The following AGBL4 variants were observed in gnomAD, a reference collection of about 807,000 sequenced individuals.
AGBL4 encodes AGBL carboxypeptidase 4.
In AGBL4, 58 loss-of-function variants were observed where a neutral mutation model predicts 66.4. The ratio of observed to expected loss-of-function variants is 0.87; its 90% CI spans 0.71 to 1.09. The LOEUF (loss-of-function observed/expected upper bound fraction) is 1.09, where lower values mean the gene tolerates loss of function less well. Ranked by LOEUF, AGBL4 falls within the 50% of genes least tolerant of loss-of-function variation. The probability of loss-of-function intolerance (pLI) is 0.00; values close to 1 mark genes in which losing one functional copy is unlikely to be tolerated. For missense variants in AGBL4, 579 were observed against 631.0 expected (o/e 0.92, Z 0.88); for synonymous variants, 234 against 222.9 (o/e 1.05, Z -0.44).
intron 9 of AGBL4, among the ~76,000 whole-genome samples, chr1:48,604,188 A>G (rs1645120138): frequency 6.6e-6 from 1 of 151,810 alleles, no homozygotes. Flanking sequence ...GCCTGGGAGG[A>G]TGTGAAGAAG....
chr1:50,011,144 G>T (rs1199885974), intron 1 of AGBL4, among the ~76,000 whole-genome samples: 1 of 152,046 alleles, frequency 6.6e-6, no homozygotes, highest in East Asian at 1.9e-4. Flanking sequence ...ATTTGTTAAA[G>T]AGATTAATAA....
At chr1:48,897,449 G>A (rs1263673342) in intron 5 of AGBL4, among the ~76,000 whole-genome samples, 1 of 152,176 alleles carries the variant, frequency 6.6e-6, no homozygotes. Flanking sequence ...TGGGAGTACA[G>A]ATATCTTTTT....
intron 6 of AGBL4, among the ~76,000 whole-genome samples, chr1:48,770,183 G>A (rs1280143580): frequency 6.6e-6 from 1 of 152,146 alleles, no homozygotes; most frequent in Non-Finnish European, 1.5e-5. Context: ...TTCCTCTGTG[G>A]TGCAAAACTG....
At chr1:49,217,904 A>G (rs1011539665) in intron 4 of AGBL4, among the ~76,000 whole-genome samples, 4 of 152,114 alleles carry the variant, frequency 2.6e-5, no homozygotes, top group Non-Finnish European at 4.4e-5. Flanking sequence ...CTCTAATCCA[A>G]TCTTCCTACC....
chr1:48,652,831 C>T (rs79196643), intron 8 of AGBL4, among the ~76,000 whole-genome samples: 4,140 of 152,182 alleles, frequency 0.027, 63 homozygotes, highest in South Asian at 0.051. Flanking sequence ...TGTGCCCACA[C>T]TGAAGAGAAA....
intron 2 of AGBL4, among the ~76,000 whole-genome samples, chr1:49,808,556 A>G (rs79378944): frequency 0.081 from 12,370 of 152,178 alleles, 706 homozygotes; most frequent in African/African-American, 0.17. Flanking sequence ...TAGTATATAC[A>G]TATACGTGTG....
chr1:49,476,077 C>G (rs1474046130), intron 3 of AGBL4, among the ~76,000 whole-genome samples: 2 of 152,028 alleles, frequency 1.3e-5, no homozygotes, highest in Non-Finnish European at 2.9e-5. Flanking sequence ...CCTCTTAACA[C>G]TGCTTTTGCT....
chr1:49,242,988 A>C (rs1164034951), intron 4 of AGBL4, among the ~76,000 whole-genome samples: 1 of 151,562 alleles, frequency 6.6e-6, no homozygotes, highest in Non-Finnish European at 1.5e-5. Flanking sequence ...TCATCTTGAA[A>C]AGGTGAAAAA....
At chr1:48,658,245 G>A (rs549441086) in intron 7 of AGBL4, among the ~76,000 whole-genome samples, 1 of 152,356 alleles carries the variant, frequency 6.6e-6, no homozygotes, top group South Asian at 2.1e-4. Context: ...AGAGCAAGGA[G>A]TCTATCTGCA....
chr1:48,599,569 G>T (rs188753261), intron 9 of AGBL4, among the ~76,000 whole-genome samples: 1 of 152,218 alleles, frequency 6.6e-6, no homozygotes. Context: ...AAGAGAGGTG[G>T]TGGTAGAGGT....
intron 3 of AGBL4, among the ~76,000 whole-genome samples, chr1:49,312,172 A>G (rs1644952715): frequency 6.6e-6 from 1 of 152,094 alleles, no homozygotes; most frequent in Non-Finnish European, 1.5e-5. Flanking sequence ...ACCTTTAGGA[A>G]GCAACTAGGC....
intron 4 of AGBL4, among the ~76,000 whole-genome samples, chr1:49,167,937 C>A (rs1171993836): frequency 6.6e-6 from 1 of 152,038 alleles, no homozygotes; most frequent in Non-Finnish European, 1.5e-5. Flanking sequence ...AATAACAATA[C>A]AACAATAATA....
intron 2 of AGBL4, among the ~76,000 whole-genome samples, chr1:49,726,818 A>G (rs956268049): frequency 2.0e-5 from 3 of 152,208 alleles, no homozygotes; most frequent in Non-Finnish European, 2.9e-5. Context: ...CTCCCACTGT[A>G]GAAAAGCTTA....
chr1:49,087,322 A>G (rs933742567), intron 4 of AGBL4, among the ~76,000 whole-genome samples: 3 of 152,244 alleles, frequency 2.0e-5, no homozygotes, highest in Non-Finnish European at 4.4e-5. Context: ...TTGAAACCCA[A>G]TCCAAAATAT....
chr1:48,638,246 C>T (rs7549812), intron 8 of AGBL4, among the ~76,000 whole-genome samples: 10,995 of 152,248 alleles, frequency 0.072, 1,283 homozygotes, highest in African/African-American at 0.25. Context: ...CGTTGCCCCA[C>T]GGAGTTGCAC....
chr1:49,883,595 A>T (rs1387319073), intron 1 of AGBL4, among the ~76,000 whole-genome samples: 4 of 152,228 alleles, frequency 2.6e-5, no homozygotes, highest in Middle Eastern at 3.4e-3. Context: ...ATAAAAAGTC[A>T]TTGAATTACT....
At chr1:48,823,404 G>A (rs1472658075) in intron 6 of AGBL4, among the ~76,000 whole-genome samples, 4 of 152,212 alleles carry the variant, frequency 2.6e-5, no homozygotes, top group African/African-American at 4.8e-5. Context: ...AACACCAGGG[G>A]AAAGGTCAGC....
intron 1 of AGBL4, among the ~76,000 whole-genome samples, chr1:50,022,954 G>A (rs1662560463): frequency 6.6e-6 from 1 of 152,144 alleles, no homozygotes; most frequent in Non-Finnish European, 1.5e-5. Context: ...ATATGCACAA[G>A]GGGTCCCCTC....
intron 3 of AGBL4, among the ~76,000 whole-genome samples, chr1:49,452,450 T>C (rs1305891108): frequency 1.3e-5 from 2 of 151,962 alleles, no homozygotes; most frequent in Non-Finnish European, 2.9e-5. Context: ...TCTGTGTTTC[T>C]GGATATTTTC....
Sources: allele counts gnomAD v4.1 joint callset (sites outside exome capture counted in the v4.1 genomes callset), GRCh38; gene constraint gnomAD v4.1.1; transcripts MANE v1.5; gene names NCBI Gene and HGNC (gene_info 2026-07-23, HGNC 2026-07-21).